Variants in WDR1 observed in about 807,000 individuals in gnomAD.
WDR1 encodes the protein WD repeat-containing protein 1.
A neutral mutation model predicts 71.9 loss-of-function variants in WDR1; 21 were observed. The ratio of observed to expected loss-of-function variants is 0.29; its 90% CI spans 0.21 to 0.42. WDR1 has a LOEUF of 0.42. WDR1 is among the 10% of genes least tolerant of loss of function. WDR1 has a pLI of 1.00. For missense variants in WDR1, 696 were observed against 824.5 expected, an observed-to-expected ratio of 0.84 and a Z score of 1.91; for synonymous variants, 424 against 347.4, an observed-to-expected ratio of 1.22 and a Z score of -2.45.
At chr4:10,116,625 C>T (rs1394727848) in intron 1 of WDR1, 26 bp downstream of exon 1, 3 of 1,228,872 alleles carry the variant, frequency 2.4e-6, no homozygotes, top group East Asian at 3.4e-5. Flanking sequence ...GGCGGCCGCT[C>T]GGGGGCCCCG....
intron 3 of WDR1, 53 bp from the exon 4 acceptor site, chr4:10,099,192 C>CA: frequency 1.9e-6 from 2 of 1,069,724 alleles, no homozygotes; most frequent in Non-Finnish European, 1.3e-6. Flanking sequence ...GGGTAAAGGG[C>CA]AGGGGGAGAG....
chr4:10,097,801 C>T lies in WDR1; in HGVS notation c.468G>A (p.Gln156=). 6.2e-7 allele frequency: 1 copy of T among 1,613,502 alleles called. No homozygotes were observed. The highest frequency in any genetic ancestry group is 8.5e-7 in the Non-Finnish European group (1 of 1,179,832). The change falls in exon 5 of 15, where the codon CAG becomes CAA. Residue 156 remains glutamine (Q), a synonymous_variant. Transcript: ENST00000499869. ...NKVINSVDIK[Q]SRPYRLATGS... is the part of the protein sequence containing the mutation. ...CCGTGGCCAGCCGGTATGGCCGGCT[C>T]TGCTTGATGTCCACGCTGTTGATGA...
intron 11 of WDR1, among the ~76,000 whole-genome samples, chr4:10,079,738 G>A (rs947927135): frequency 6.6e-6 from 1 of 152,198 alleles, no homozygotes; most frequent in Admixed American, 6.5e-5. Flanking sequence ...TGCCCCTACC[G>A]TCTGGGCTTC....
At chr4:10,105,157 G>A (rs1053666001) in intron 2 of WDR1, among the ~76,000 whole-genome samples, 1 of 152,200 alleles carries the variant, frequency 6.6e-6, no homozygotes, top group African/African-American at 2.4e-5. Context: ...AAGCCTCCAA[G>A]TATGGCCCAA....
intron 2 of WDR1, among the ~76,000 whole-genome samples, chr4:10,105,868 C>G (rs1332858763): frequency 6.6e-6 from 1 of 152,100 alleles, no homozygotes; most frequent in African/African-American, 2.4e-5. Context: ...CTGGAAATAC[C>G]CAAATATCCA....
At position 10,075,368 on chromosome 4, in the gene WDR1, G is replaced by A. The variant is rs377362274; in HGVS notation, c.*10C>T. 6.8e-6 allele frequency: 11 copies of A among 1,611,174 alleles called. No individual in the cohort carries two copies. Among genetic ancestry groups the A allele is most frequent in the Non-Finnish European group, 9.3e-6 (11 of 1,177,782 alleles). On this transcript the variant is annotated 3_prime_UTR_variant, in exon 15 of 15. Coordinates refer to ENST00000499869, the MANE Select transcript of WDR1 (RefSeq NM_017491.5). The stretch of plus-strand genomic sequence containing the variant: ...TGATTCGGTCCATCCAGAGGCGGGG[G>A]TGGGGCTCCTCAGTAGGTGATTGTC...
At position 10,084,871 on chromosome 4, in the gene WDR1, C is replaced by G. The variant is rs561242058; in HGVS notation, c.952-341G>C. Among the ~76,000 whole-genome samples the G allele has an allele frequency of 2.6e-4, 40 of 152,326 alleles. No individual in the cohort carries two copies. In the South Asian group the frequency reaches 7.9e-3, roughly 30 times the overall value. ...ACGTGTGCAGACACGTGGCCTGCAC[C>G]CCGCCGACCAGCACCCGTCGCGGGG... is the stretch of plus-strand genomic sequence containing the variant. On this transcript the variant is annotated intron_variant, in intron 8 of 14. Transcript: ENST00000499869.
intron 12 of WDR1, chr4:10,078,600 G>C (rs949023046): frequency 2.1e-5 from 6 of 280,046 alleles, no homozygotes; most frequent in African/African-American, 1.1e-4. Context: ...TGGCTCTGAG[G>C]CACAGCTGTG....
At chr4:10,076,836 C>A (rs28758356) in intron 14 of WDR1, 126 of 164,638 alleles carry the variant, frequency 7.7e-4, no homozygotes, top group East Asian at 1.2e-3. Context: ...CATGGCCACG[C>A]GGGGACATCA....
Position 10,116,799 on chromosome 4 carries a change from T to C in WDR1, c.-133A>G, listed in dbSNP as rs954108285. The C allele has an allele frequency of 1.8e-6, 2 of 1,086,442 alleles. No individual in the cohort carries two copies. Among genetic ancestry groups the C allele is most frequent in the African/African-American group, 1.7e-5 (1 of 59,910 alleles). 67.3% of individuals were successfully genotyped at this position (1,086,442 alleles called of 1,614,324 possible). A position where few individuals can be genotyped will look rare whatever the true frequency, so the allele number is the denominator to read the frequency against. On this transcript the variant is annotated 5_prime_UTR_variant, in exon 1 of 15. Transcript: ENST00000499869. ...GGCACCGGGCGTGCCGGGAGTGGAG[T>C]GGGCGGTCCGAGGCCGGGGCTCAGA...
In WDR1 at chr4:10,097,807, G is replaced by A. The variant is rs1469129119; in HGVS notation, c.462C>T (p.Ile154=). Residue 154 remains isoleucine (I), a synonymous_variant, in exon 5 of 15, where the codon ATC becomes ATT. Transcript: ENST00000499869. ...GHNKVINSVD[I]KQSRPYRLAT... is the part of the protein sequence containing the mutation. ...CCAGCCGGTATGGCCGGCTCTGCTT[G>A]ATGTCCACGCTGTTGATGACTTTGT... 1 of 1,613,296 alleles carries A rather than the reference G, an allele frequency of 6.2e-7. No homozygotes were observed. The highest frequency in any genetic ancestry group is 2.2e-5 in the East Asian group (1 of 44,830).
intron 5 of WDR1, chr4:10,093,263 G>T: frequency 1.5e-6 from 1 of 685,786 alleles, no homozygotes; most frequent in Non-Finnish European, 2.2e-6. Context: ...CCCACCCTTA[G>T]GCTGTTCACA....
At chr4:10,078,642 C>A (rs1045061166) in intron 12 of WDR1, 2 of 438,272 alleles carry the variant, frequency 4.6e-6, no homozygotes, top group Non-Finnish European at 8.2e-6. Context: ...CCTCACTGTC[C>A]ACAGTCTTGT....
chr4:10,103,918 G>C lies in WDR1; in HGVS notation c.207C>G (p.Ser69Arg). 6.3e-7 allele frequency: 1 copy of C among 1,595,824 alleles called. No individual in the cohort carries two copies. The highest frequency in any genetic ancestry group is 8.5e-7 in the Non-Finnish European group (1 of 1,171,642). ...TACCTCCGGAGGCAATGTAGAATCC[G>C]CTGGGCGCATACTTGGCCACCACCA... ...HQVVVAKYAPSGFYIASGDVS... is the reference protein window; with the variant it reads ...HQVVVAKYAPRGFYIASGDVS... Residue 69 changes from serine to arginine, a missense_variant, in exon 3 of 15, where the codon AGC (serine) becomes AGG (arginine). Coordinates refer to ENST00000499869, the MANE Select transcript of WDR1 (RefSeq NM_017491.5).
chr4:10,112,224 G>A (rs1261227964), intron 2 of WDR1, among the ~76,000 whole-genome samples: 2 of 152,098 alleles, frequency 1.3e-5, no homozygotes, highest in African/African-American at 4.8e-5. Flanking sequence ...GGTCATAAGA[G>A]GCAGAGGTGA....
In WDR1 at chr4:10,116,763, A is replaced by G. The variant is rs1467192602; in HGVS notation, c.-97T>C. On this transcript the variant is annotated 5_prime_UTR_variant, in exon 1 of 15. Coordinates refer to ENST00000499869, the MANE Select transcript of WDR1 (RefSeq NM_017491.5). The stretch of plus-strand genomic sequence containing the variant: ...CGCCGAGGCCGAGCCCGGGGACTGG[A>G]GCCGGAAGGCGGCACCGGGCGTGCC... The G allele has an allele frequency of 2.4e-6, 3 of 1,230,644 alleles. No homozygotes were observed. The highest frequency in any genetic ancestry group is 2.0e-6 in the Non-Finnish European group (2 of 980,396). 76.2% of individuals were successfully genotyped at this position (1,230,644 alleles called of 1,614,324 possible).
chr4:10,075,047 G>T lies in WDR1; in HGVS notation c.*331C>A. On this transcript the variant is annotated 3_prime_UTR_variant, in exon 15 of 15. Transcript: ENST00000499869. ...TCCCCTGACAGATAGTGAGAGCCGCGGCGGGGCCAGGGGCTCTGTGTGCTT... is the reference window on the plus strand; with the variant it reads ...TCCCCTGACAGATAGTGAGAGCCGCTGCGGGGCCAGGGGCTCTGTGTGCTT... 2.5e-6 allele frequency: 1 copy of T among 402,730 alleles called. No homozygotes were observed. The allele number at this position is 402,730 out of a possible 1,614,324, so 24.9% of individuals were successfully genotyped here. A position where few individuals can be genotyped will look rare whatever the true frequency, so the allele number is the denominator to read the frequency against.
chr4:10,113,892 G>C (rs1713545743), intron 2 of WDR1, among the ~76,000 whole-genome samples: 1 of 152,186 alleles, frequency 6.6e-6, no homozygotes, highest in Admixed American at 6.5e-5. Flanking sequence ...ACACAAATTT[G>C]GCTTGGAGTA....
intron 3 of WDR1, among the ~76,000 whole-genome samples, chr4:10,102,778 T>A (rs1712757201): frequency 6.6e-6 from 1 of 152,146 alleles, no homozygotes; most frequent in Non-Finnish European, 1.5e-5. Flanking sequence ...ACGGCGTGCA[T>A]GAGTCCCGCC....
Sources: gnomAD v4.1 joint callset for allele counts (sites outside exome capture counted in the v4.1 genomes callset) on GRCh38, gnomAD v4.1.1 for gene constraint, MANE v1.5 for transcripts, NCBI Gene and HGNC (gene_info 2026-07-23, HGNC 2026-07-21) for gene names.